CTNNA3: variants seen among roughly 807,000 people sequenced by gnomAD.
CTNNA3 encodes the protein catenin alpha 3.
A neutral mutation model predicts 95.7 loss-of-function variants in CTNNA3; 76 were observed. That is an observed-to-expected ratio of 0.79 (90% confidence interval 0.66 to 0.96). The LOEUF is 0.96. Ranked by LOEUF, CTNNA3 falls within the 40% of genes least tolerant of loss-of-function variation. CTNNA3 has a pLI of 0.00. For missense variants in CTNNA3, 1,191 were observed against 1,089.8 expected (o/e 1.09, Z -1.31); for synonymous variants, 431 against 374.4 (o/e 1.15, Z -1.74).
At chr10:67,710,020 G>A (rs985347641) in intron 1 of CTNNA3, among the ~76,000 whole-genome samples, 4 of 152,268 alleles carry the variant, frequency 2.6e-5, no homozygotes, top group South Asian at 4.1e-4. Flanking sequence ...AACTGCCCCT[G>A]CGGTGGAAGG....
chr10:67,642,141 T>A (rs906860193), intron 2 of CTNNA3, among the ~76,000 whole-genome samples: 9 of 152,202 alleles, frequency 5.9e-5, no homozygotes, highest in Non-Finnish European at 1.0e-4. Context: ...GATTTCATGA[T>A]GAAAATGCCA....
At chr10:67,218,476 C>T (rs1864491293) in intron 6 of CTNNA3, among the ~76,000 whole-genome samples, 1 of 152,156 alleles carries the variant, frequency 6.6e-6, no homozygotes, top group Non-Finnish European at 1.5e-5. Flanking sequence ...GAGCTCCCTG[C>T]TGATTGGCCT....
In CTNNA3 at chr10:67,591,659, C is replaced by T. The variant is rs534024497; in HGVS notation, c.292+15198G>A. 5.3e-5 allele frequency among the ~76,000 whole-genome samples: 8 copies of T among 150,968 alleles called. No individual in the cohort carries two copies. The South Asian group carries it at 1.7e-3, about 32-fold the overall frequency. On this transcript the variant is annotated intron_variant, in intron 3 of 17. Transcript: ENST00000433211. ...AAGCATGAAGAGAAAAACAAATGTA[C>T]AAAATACAGAAAAGAGCATAAGAGA...
At chr10:66,941,932 C>G (rs189799445) in intron 7 of CTNNA3, among the ~76,000 whole-genome samples, 234 of 152,202 alleles carry the variant, frequency 1.5e-3, no homozygotes, top group Admixed American at 0.011. Context: ...TAAGTCTGTT[C>G]GTGGAAGACT....
At chr10:67,178,444 T>A (rs1862347314) in intron 7 of CTNNA3, among the ~76,000 whole-genome samples, 1 of 152,060 alleles carries the variant, frequency 6.6e-6, no homozygotes, top group Non-Finnish European at 1.5e-5. Flanking sequence ...AAATCTAACA[T>A]TAAATAGCAA....
intron 9 of CTNNA3, among the ~76,000 whole-genome samples, chr10:66,659,335 T>C (rs932622535): frequency 6.6e-6 from 1 of 152,010 alleles, no homozygotes; most frequent in Non-Finnish European, 1.5e-5. Flanking sequence ...TCTGAGGAGG[T>C]AACTTTGAGT....
chr10:67,751,193 C>A, intron 1 of CTNNA3: 1 of 1,281,262 alleles, frequency 7.8e-7, no homozygotes, highest in Non-Finnish European at 1.1e-6. Context: ...TGTTGCAATC[C>A]TCTCATTTGG....
Position 66,515,049 on chromosome 10 carries a change from T to G in CTNNA3, c.1531+5568A>C, listed in dbSNP as rs117641788. 9.8e-3 allele frequency among the ~76,000 whole-genome samples: 1,493 copies of G among 152,228 alleles called. 10 individuals carry two copies. The highest frequency in any genetic ancestry group is 0.054 in the Middle Eastern group (16 of 294). Reference sequence around the variant, plus strand: ...TCAATATTGGACCATTGAATCATACTAAAACATAATTATAAGCAAATATTT... The same window carrying G: ...TCAATATTGGACCATTGAATCATACGAAAACATAATTATAAGCAAATATTT... On this transcript the variant is annotated intron_variant, in intron 11 of 17. Transcript: ENST00000433211.
intron 9 of CTNNA3, among the ~76,000 whole-genome samples, chr10:66,699,889 T>A (rs921755168): frequency 6.6e-6 from 1 of 152,098 alleles, no homozygotes; most frequent in Admixed American, 6.5e-5. Context: ...ACTCCCGACC[T>A]CAGGTGATCT....
At chr10:66,062,308 T>C (rs1272910523) in intron 15 of CTNNA3, among the ~76,000 whole-genome samples, 1 of 152,134 alleles carries the variant, frequency 6.6e-6, no homozygotes, top group African/African-American at 2.4e-5. Flanking sequence ...CTTTTATTAT[T>C]TTTAAACTAT....
intron 5 of CTNNA3, among the ~76,000 whole-genome samples, chr10:67,315,284 A>T (rs1353507716): frequency 6.6e-6 from 1 of 152,136 alleles, no homozygotes; most frequent in Admixed American, 6.6e-5. Context: ...TTACCCCAAA[A>T]TATTACCATT....
intron 13 of CTNNA3, among the ~76,000 whole-genome samples, chr10:66,275,249 C>CT (rs1215564154): frequency 6.6e-6 from 1 of 152,052 alleles, no homozygotes; most frequent in Non-Finnish European, 1.5e-5. Context: ...TCCTGAGAAA[C>CT]TGGGACTACA....
chr10:66,717,689 T>G (rs989398276), intron 9 of CTNNA3, among the ~76,000 whole-genome samples: 2 of 152,170 alleles, frequency 1.3e-5, no homozygotes, highest in Non-Finnish European at 2.9e-5. Context: ...GAGATGGTAC[T>G]CATCCAGCTT....
intron 2 of CTNNA3, among the ~76,000 whole-genome samples, chr10:67,618,907 A>C (rs1033203738): frequency 3.3e-5 from 5 of 152,184 alleles, no homozygotes; most frequent in African/African-American, 1.2e-4. Flanking sequence ...ATTGGCCAGC[A>C]CTTGATCTTT....
In CTNNA3 at chr10:66,644,457, G is replaced by GTATA. The variant is rs369985156; in HGVS notation, c.1282-22677_1282-22674dup. 5.7e-4 allele frequency among the ~76,000 whole-genome samples: 71 copies of GTATA among 124,604 alleles called. No homozygotes were observed. In the East Asian group the frequency reaches 8.8e-3, roughly 15 times the overall value. The allele number at this position is 124,604 out of a possible 152,430, so 81.7% of individuals were successfully genotyped here. A position where few individuals can be genotyped will look rare whatever the true frequency, so the allele number is the denominator to read the frequency against. ...AAACCCCCAGATCCCCCCCAAATAT[G>GTATA]TATATATATATATATGTTTATATAT... On this transcript the variant is annotated intron_variant, in intron 9 of 17. Coordinates refer to ENST00000433211, the MANE Select transcript of CTNNA3 (RefSeq NM_013266.4).
intron 15 of CTNNA3, among the ~76,000 whole-genome samples, chr10:66,000,640 A>T (rs909333936): frequency 2.6e-5 from 4 of 152,068 alleles, no homozygotes; most frequent in Non-Finnish European, 4.4e-5. Flanking sequence ...ATAGCGGTTG[A>T]TTTTATAGAT....
At chr10:67,424,414 A>G (rs1029864510) in intron 5 of CTNNA3, among the ~76,000 whole-genome samples, 1 of 152,118 alleles carries the variant, frequency 6.6e-6, no homozygotes, top group African/African-American at 2.4e-5. Flanking sequence ...TGATATTTAC[A>G]TATGAGTTTT....
chr10:67,504,522 C>T (rs917886230), intron 5 of CTNNA3, among the ~76,000 whole-genome samples: 1 of 149,502 alleles, frequency 6.7e-6, no homozygotes, highest in Non-Finnish European at 1.5e-5. Flanking sequence ...ACAAAGATGT[C>T]AAGACATTCT....
chr10:67,616,728 C>T lies in CTNNA3; in HGVS notation c.100-9679G>A, dbSNP rs537977632. On this transcript the variant is annotated intron_variant, in intron 2 of 17. Transcript: ENST00000433211. ...CATGGCATTAGCCATGTTAAATTTG[C>T]CTTTTAGAGTTTTTAAAGTGGAGAC... Among the ~76,000 whole-genome samples the T allele has an allele frequency of 8.5e-5, 13 of 152,166 alleles. No individual in the cohort carries two copies. In the South Asian group the frequency reaches 2.3e-3, roughly 27 times the overall value.
Sources: allele counts gnomAD v4.1 joint callset (sites outside exome capture counted in the v4.1 genomes callset), GRCh38; gene constraint gnomAD v4.1.1; transcripts MANE v1.5; gene names NCBI Gene and HGNC (gene_info 2026-07-23, HGNC 2026-07-21).